The following SPATA21 variants were observed in gnomAD, a reference collection of about 807,000 sequenced individuals.
The protein encoded by SPATA21 is spermatogenesis associated 21.
In SPATA21, 47 loss-of-function variants were observed where a neutral mutation model predicts 54.8. The observed-to-expected ratio is 0.86, with a 90% CI of 0.68 to 1.09. The LOEUF (loss-of-function observed/expected upper bound fraction) is 1.09. Among genes scored for constraint, SPATA21 ranks in the 50% least tolerant of loss-of-function variants. The probability of loss-of-function intolerance (pLI) is 0.00; values close to 1 mark genes in which losing one functional copy is unlikely to be tolerated. For synonymous variants in SPATA21, 245 were observed against 235.3 expected (o/e 1.04, Z -0.38); for missense variants, 599 against 596.4 (o/e 1.00, Z -0.05).
rs772347382 is a variant in SPATA21 at position 16,433,275 on chromosome 1, T to C, written c.-186-351A>G. On this transcript the variant is annotated intron_variant, in intron 1 of 12. Transcript: ENST00000335496. ...CTGCCCTCCAGGCCCTTCCTGCAGT[T>C]ACAGCTGCACCCCTGCCATGCAAAG... 2.1e-4 allele frequency among the ~76,000 whole-genome samples: 32 copies of C among 152,338 alleles called. No homozygotes were observed. In the Middle Eastern group the frequency reaches 0.01, roughly 49 times the overall value.
chr1:16,436,386 C>CA (rs59926630), intron 1 of SPATA21, among the ~76,000 whole-genome samples: 4,638 of 84,430 alleles, frequency 0.055, 152 homozygotes, highest in East Asian at 0.14. Flanking sequence ...GACTCTGTCT[C>CA]AAAAAAAAAA....
At chr1:16,397,301 C>T (rs1452410995), downstream of SPATA21, 2 of 152,278 alleles carry the variant, frequency 1.3e-5, no homozygotes, top group African/African-American at 4.8e-5. This position sits in a 1 kb window ranked among gnomAD's most constrained non-coding sequence, Gnocchi z 5.4. Context: ...CAGTCATGCC[C>T]TGGGCTTCCC....
At position 16,421,642 on chromosome 1, in the gene SPATA21, C is replaced by G; in HGVS notation, c.96-85G>C. 7.2e-7 allele frequency: 1 copy of G among 1,397,790 alleles called. No individual in the cohort carries two copies. The highest frequency in any genetic ancestry group is 9.8e-7 in the Non-Finnish European group (1 of 1,016,228). The allele number at this position is 1,397,790 out of a possible 1,614,324, so 86.6% of individuals were successfully genotyped here. A position where few individuals can be genotyped will look rare whatever the true frequency, so the allele number is the denominator to read the frequency against. On this transcript the variant is annotated intron_variant, in intron 4 of 12. Transcript: ENST00000335496. This position sits in a 1 kb window ranked among gnomAD's most constrained non-coding sequence, Gnocchi z 5.2. ...CCCTCCCCTCTCAGCCCCCAGGACA[C>G]TCAGTTCCACCCCAGCCTCATCCCC... is the stretch of plus-strand genomic sequence containing the variant.
chr1:16,424,471 G>A (rs2086267606), intron 3 of SPATA21, among the ~76,000 whole-genome samples: 1 of 151,462 alleles, frequency 6.6e-6, no homozygotes, highest in Non-Finnish European at 1.5e-5. Context: ...CCAGGCTGGA[G>A]CACAGTGGTG....
chr1:16,408,222 C>T (rs2085709573), intron 7 of SPATA21, among the ~76,000 whole-genome samples: 1 of 152,100 alleles, frequency 6.6e-6, no homozygotes, highest in South Asian at 2.1e-4. Flanking sequence ...GGATGTACAT[C>T]CATTCTTCTA....
rs184260044 is a variant in SPATA21, at chr1:16,412,803, T to C, written c.145-2760A>G. On this transcript the variant is annotated intron_variant, in intron 5 of 12. Transcript: ENST00000335496. ...ACGATTTTCTTTCTTTCTTTCTTTC[T>C]TTTTTTAGATAAAGTCTTGCTCTGT... Among the ~76,000 whole-genome samples, 325 of 151,214 alleles carry C rather than the reference T, an allele frequency of 2.1e-3. 3 individuals carry two copies. The highest frequency in any genetic ancestry group is 7.6e-3 in the African/African-American group (313 of 41,118).
At chr1:16,411,520 G>T (rs976543821) in intron 5 of SPATA21, among the ~76,000 whole-genome samples, 1 of 152,086 alleles carries the variant, frequency 6.6e-6, no homozygotes, top group African/African-American at 2.4e-5. Context: ...GCCAGGCAAG[G>T]TGGCTCACGC....
chr1:16,399,443 C>T lies in SPATA21; in HGVS notation c.1253G>A (p.Arg418Lys), dbSNP rs1008045964. 15 of 1,614,176 alleles carry T rather than the reference C, an allele frequency of 9.3e-6. No homozygotes were observed. The highest frequency in any genetic ancestry group is 1.1e-5 in the Non-Finnish European group (13 of 1,180,030). The stretch of plus-strand genomic sequence containing the variant: ...TAGTGCATAGTGGTTGCTCGGCTGC[C>T]TACGGACCATCTTCTTGTCCAGCTG... ...CPQLDKKMVR[R>K]QPSNHYALDQ... Residue 418 changes from arginine (R) to lysine (K), a missense_variant, in exon 12 of 13, where the codon AGG becomes AAG. Physicochemically the swap from Arg to Lys is conservative, Grantham distance 26 (BLOSUM62 2). Transcript: ENST00000335496.
At chr1:16,425,498 C>G (rs978843525) in intron 3 of SPATA21, 2 of 1,546,954 alleles carry the variant, frequency 1.3e-6, no homozygotes. Context: ...CATTCCATAC[C>G]CTTCTCCCCA....
chr1:16,420,050 C>T lies in SPATA21; in HGVS notation c.144+1459G>A, dbSNP rs547246211. Among the ~76,000 whole-genome samples the T allele has an allele frequency of 4.6e-5, 7 of 151,996 alleles. No individual in the cohort carries two copies. In the South Asian group the frequency reaches 1.3e-3, roughly 27 times the overall value. On this transcript the variant is annotated intron_variant, in intron 5 of 12. Transcript: ENST00000335496. ...GGAGATGGGAGACCAGAGGGTGGAG[C>T]CCCGAGGGTGGAGAAGATGAGGAGG...
In SPATA21 at chr1:16,421,488, T is replaced by TC. The variant is rs772875169; in HGVS notation, c.144+20dup. ...TTTCTCCTACACAGCTCGTCCCCGT[T>TC]CCCCCTATGGCCCTACTTACTGGTG... On this transcript the variant is annotated intron_variant, in intron 5 of 12. Coordinates refer to ENST00000335496, the MANE Select transcript of SPATA21 (RefSeq NM_198546.1). This position sits in a 1 kb window ranked among gnomAD's most constrained non-coding sequence, Gnocchi z 5.2. 2 of 1,609,568 alleles carry TC rather than the reference T, an allele frequency of 1.2e-6. No homozygotes were observed. Among genetic ancestry groups the TC allele is most frequent in the African/African-American group, 2.7e-5 (2 of 74,682 alleles).
At position 16,399,381 on chromosome 1, in the gene SPATA21, G is replaced by A. The variant is rs781212494; in HGVS notation, c.1315C>T (p.Arg439Cys). The A allele has an allele frequency of 2.0e-5, 32 of 1,613,862 alleles. No individual in the cohort carries two copies. The highest frequency in any genetic ancestry group is 3.3e-5 in the South Asian group (3 of 91,064). The change falls in exon 12 of 13, where the codon CGC (arginine) becomes TGC (cysteine). Residue 439 changes from arginine (R) to cysteine (C), a missense_variant. Transcript: ENST00000335496. ...GATCCTGACTGGAAGAAGGGGCTGCGGATGTCAGGATCCAGGCCAGGGGGT... is the reference window on the plus strand; with the variant it reads ...GATCCTGACTGGAAGAAGGGGCTGCAGATGTCAGGATCCAGGCCAGGGGGT... ...CTPPGLDPDI[R>C]SPFFQSGSQG...
At chr1:16,407,147 T>G (rs2085668671) in intron 7 of SPATA21, among the ~76,000 whole-genome samples, 6 of 152,308 alleles carry the variant, frequency 3.9e-5, no homozygotes, top group Admixed American at 2.0e-4. Flanking sequence ...CAAACAGCGC[T>G]GAATGGTAGG....
chr1:16,401,694 A>ACT (rs141294177), intron 10 of SPATA21, among the ~76,000 whole-genome samples: 20,708 of 151,924 alleles, frequency 0.14, 1,658 homozygotes, highest in African/African-American at 0.21. Context: ...CAAGTTAAGG[A>ACT]CTCTGCTCCA....
chr1:16,421,547 C>T lies in SPATA21; in HGVS notation c.106G>A (p.Val36Met), dbSNP rs760716847. ...GGCCCCGGTGCTGGGTGGGTCTCCA[C>T]AGCCTCACCCCTGAATAGAAGAGAA... ...PKKAKGGGEA[V>M]ETHPAPGPLP... Residue 36 changes from valine (V) to methionine (M), a missense_variant, in exon 5 of 13, where the codon GTG becomes ATG. Physicochemically the swap from Val to Met is conservative, Grantham distance 21. Coordinates refer to ENST00000335496, the MANE Select transcript of SPATA21 (RefSeq NM_198546.1). This position sits in a 1 kb window ranked among gnomAD's most constrained non-coding sequence, Gnocchi z 5.2. The T allele has an allele frequency of 3.7e-6, 6 of 1,613,578 alleles. No homozygotes were observed. The highest frequency in any genetic ancestry group is 2.2e-5 in the East Asian group (1 of 44,884).
intron 1 of SPATA21, among the ~76,000 whole-genome samples, chr1:16,435,381 G>A (rs1039333808): frequency 6.6e-6 from 1 of 151,398 alleles, no homozygotes; most frequent in Non-Finnish European, 1.5e-5. Flanking sequence ...CAGTGGCCTA[G>A]TTCCAGCTCA....
chr1:16,414,593 C>T (rs751874612), intron 5 of SPATA21, among the ~76,000 whole-genome samples: 2 of 151,946 alleles, frequency 1.3e-5, no homozygotes, highest in Non-Finnish European at 2.9e-5. Flanking sequence ...ACAAACAGTA[C>T]GGTTGAAATA....
At chr1:16,426,896 A>G (rs1179186944) in intron 3 of SPATA21, among the ~76,000 whole-genome samples, 1 of 152,020 alleles carries the variant, frequency 6.6e-6, no homozygotes, top group African/African-American at 2.4e-5. Context: ...ACTTTTTTCA[A>G]TTAACATCAT....
chr1:16,431,372 G>A lies in SPATA21; in HGVS notation c.-1C>T, dbSNP rs2086453634. ...ACATCTGGGTGTTTCTATTGTCCAT[G>A]ATGCCAGCGCCAACACGGGTGCCAA... On this transcript the variant is annotated 5_prime_UTR_variant, in exon 3 of 13. Transcript: ENST00000335496. 6.2e-7 allele frequency: 1 copy of A among 1,613,996 alleles called. No homozygotes were observed. Among genetic ancestry groups the A allele is most frequent in the Non-Finnish European group, 8.5e-7 (1 of 1,180,022 alleles).
Sources: gnomAD v4.1 joint callset for allele counts (sites outside exome capture counted in the v4.1 genomes callset) on GRCh38, gnomAD v4.1.1 for gene constraint, Gnocchi (gnomAD v3.1) non-coding constraint, MANE v1.5 for transcripts, NCBI Gene and HGNC (gene_info 2026-07-23, HGNC 2026-07-21) for gene names.